RFC5: variants seen among roughly 807,000 people sequenced by gnomAD.
The protein encoded by RFC5 is replication factor C subunit 5, also known as A1 36 kDa subunit.
Under a neutral mutation model 44.3 loss-of-function variants are expected in RFC5, and 26 were observed. The ratio of observed to expected loss-of-function variants is 0.59; its 90% CI spans 0.43 to 0.81. RFC5 has a LOEUF of 0.81. Among genes scored for constraint, RFC5 ranks in the 40% least tolerant of loss-of-function variants. The pLI, the probability that RFC5 is intolerant of heterozygous loss-of-function variation, is 0.00. For missense variants in RFC5, 328 were observed against 418.6 expected (o/e 0.78, Z 1.89); for synonymous variants, 155 against 155.2 (o/e 1.00, Z 0.01).
chr12:118,035,042 A>T (rs2031475017), downstream of RFC5: 1 of 1,614,094 alleles, frequency 6.2e-7, no homozygotes, highest in Admixed American at 1.7e-5. Flanking sequence ...CATTGGTCAT[A>T]GGAGCAAATG....
chr12:118,027,745 C>CT (rs1186115493), intron 8 of RFC5, among the ~76,000 whole-genome samples: 4 of 151,686 alleles, frequency 2.6e-5, no homozygotes, highest in Non-Finnish European at 5.9e-5. Context: ...AGTTACAACT[C>CT]TATCTTTCAG....
downstream of RFC5, among the ~76,000 whole-genome samples, chr12:118,037,299 C>T (rs1764338851): frequency 6.6e-6 from 1 of 152,214 alleles, no homozygotes; most frequent in Non-Finnish European, 1.5e-5. Context: ...TGTCCCAAGA[C>T]TGGGCCTCTG....
downstream of RFC5, chr12:118,036,089 C>G (rs2031503275): frequency 3.1e-6 from 1 of 326,340 alleles, no homozygotes; most frequent in African/African-American, 2.1e-5. Context: ...GTAGTCCTAG[C>G]TACTCGGGAG....
chr12:118,032,400 C>G (rs1336713724), downstream of RFC5: 1 of 152,152 alleles, frequency 6.6e-6, no homozygotes, highest in African/African-American at 2.4e-5. Context: ...CCTGGAACTT[C>G]AAGATAACCA....
the RFC5 span, among the ~76,000 whole-genome samples, chr12:118,039,694 T>C: frequency 2.0e-5 from 3 of 152,186 alleles, no homozygotes; most frequent in Non-Finnish European, 4.4e-5. Flanking sequence ...TATGAATTTA[T>C]TTAAGTTTAT....
chr12:118,038,184 T>G, the RFC5 span: 3 of 1,077,128 alleles, frequency 2.8e-6, no homozygotes, highest in African/African-American at 1.6e-5. Flanking sequence ...ATGCCTTCTA[T>G]TGGGGTGGAT....
At chr12:118,033,990 A>G (rs1040340170), downstream of RFC5, 2 of 644,536 alleles carry the variant, frequency 3.1e-6, no homozygotes, top group African/African-American at 3.7e-5. Context: ...TGCAAGTGGA[A>G]TCTCTTCCTC....
downstream of RFC5, chr12:118,034,982 A>G (rs758423211): frequency 6.2e-7 from 1 of 1,613,896 alleles, no homozygotes. Context: ...TAACAAATAC[A>G]TACCCTGTGG....
downstream of RFC5, chr12:118,034,436 G>C (rs2031452689): frequency 3.2e-6 from 5 of 1,543,968 alleles, no homozygotes; most frequent in South Asian, 4.7e-5. Context: ...TCATGTTTCT[G>C]TTTTGACTGC....
downstream of RFC5, chr12:118,034,082 A>G (rs555881905): frequency 6.2e-5 from 87 of 1,409,456 alleles, no homozygotes; most frequent in Middle Eastern, 2.5e-4. Flanking sequence ...TCTATTCACA[A>G]TCCCAAAGAA....
downstream of RFC5, chr12:118,035,200 G>A (rs776870457): frequency 6.2e-7 from 1 of 1,613,914 alleles, no homozygotes; most frequent in South Asian, 1.1e-5. Context: ...TGTAAAGAGA[G>A]TTCTCTTCGT....
At chr12:118,034,825 C>T (rs778720443), downstream of RFC5, 4 of 656,152 alleles carry the variant, frequency 6.1e-6, no homozygotes, top group Non-Finnish European at 1.0e-5. Flanking sequence ...AAATGGGACA[C>T]CGTTATTAGC....
intron 3 of RFC5, among the ~76,000 whole-genome samples, chr12:118,020,078 G>A (rs924181131): frequency 1.3e-5 from 2 of 152,068 alleles, no homozygotes; most frequent in African/African-American, 4.8e-5. Context: ...AATTCTCCAC[G>A]TTTCTCCACC....
chr12:118,026,333 T>C (rs1353717425), intron 7 of RFC5, among the ~76,000 whole-genome samples: 1 of 151,790 alleles, frequency 6.6e-6, no homozygotes, highest in African/African-American at 2.4e-5. Context: ...CCAGGTATGG[T>C]GGCTCACGCC....
At chr12:118,035,160 C>T (rs2031478831), downstream of RFC5, 1 of 1,612,338 alleles carries the variant, frequency 6.2e-7, no homozygotes, top group Non-Finnish European at 8.5e-7. Context: ...GCCTTGCTGC[C>T]ATTACTTGCA....
downstream of RFC5, chr12:118,032,507 AC>A (rs1264476679): frequency 6.6e-6 from 1 of 152,106 alleles, no homozygotes; most frequent in Non-Finnish European, 1.5e-5. Flanking sequence ...TCTGTCAGTC[AC>A]CCAGGCTGGA....
At chr12:118,024,793 GCT>G (rs1370858171) in intron 5 of RFC5, 56 bp from the exon 6 acceptor site, 4 of 1,478,664 alleles carry the variant, frequency 2.7e-6, no homozygotes, top group Non-Finnish European at 3.7e-6. Flanking sequence ...AGTTTTCTGG[GCT>G]CTCTGAAAAA....
chr12:118,021,639 C>T (rs575823590), intron 4 of RFC5, among the ~76,000 whole-genome samples: 175 of 146,948 alleles, frequency 1.2e-3, no homozygotes, highest in Non-Finnish European at 1.6e-3. Flanking sequence ...AGGATGGTGG[C>T]TAAAAAAAAA....
chr12:118,030,742 G>A (rs1324403054), intron 10 of RFC5, among the ~76,000 whole-genome samples: 1 of 152,104 alleles, frequency 6.6e-6, no homozygotes, highest in Non-Finnish European at 1.5e-5. Context: ...AGGTTCAAGC[G>A]ATTCACCTGC....
Sources: allele counts gnomAD v4.1 joint callset (sites outside exome capture counted in the v4.1 genomes callset), GRCh38; gene constraint gnomAD v4.1.1; transcripts MANE v1.5; gene names NCBI Gene and HGNC (gene_info 2026-07-23, HGNC 2026-07-21).